The following FAM131A variants were observed in gnomAD, a reference collection of about 807,000 sequenced individuals.
FAM131A encodes the protein family with sequence similarity 131 member A, also known as protein FAM131A.
In FAM131A, 24 loss-of-function variants were observed where a neutral mutation model predicts 39.2. That is an observed-to-expected ratio of 0.61 (90% CI 0.44 to 0.86). The LOEUF (loss-of-function observed/expected upper bound fraction) is 0.86, where lower values mean the gene tolerates loss of function less well. Ranked by LOEUF, FAM131A falls within the 40% of genes least tolerant of loss-of-function variation. The pLI is 0.00. For synonymous variants in FAM131A, 202 were observed against 206.8 expected (o/e 0.98, Z 0.20); for missense variants, 373 against 481.2 (o/e 0.78, Z 2.10).
Position 184,344,522 on chromosome 3 carries a change from C to T in FAM131A, c.653C>T (p.Pro218Leu), listed in dbSNP as rs376398594. The T allele has an allele frequency of 1.6e-5, 25 of 1,539,008 alleles. No individual in the cohort carries two copies. The Admixed American group carries it at 2.7e-4, about 16-fold the overall frequency. Residue 218 changes from proline to leucine, a missense_variant, in exon 6 of 6, where the codon CCG (proline) becomes CTG (leucine). Pro to Leu is a moderately conservative substitution (Grantham distance 98). Transcript: ENST00000383847. ...ATGGCTGGGCAGCTGCCCCTGGGGC[C>T]GCACCTCCAGGACCTGTTCACCGGC... ...TDMAGQLPLG[P>L]HLQDLFTGHR...
At position 184,344,182 on chromosome 3, in the gene FAM131A, T is replaced by C. The variant is rs1727503433; in HGVS notation, c.626-313T>C. The stretch of plus-strand genomic sequence containing the variant: ...GTGTTTTTAGTAGAGACAGGGTTTC[T>C]CCATGTTGGTCAGGCTGGTCTCGAA... On this transcript the variant is annotated intron_variant, in intron 5 of 5. Transcript: ENST00000383847. Among the ~76,000 whole-genome samples, 4 of 152,114 alleles carry C rather than the reference T, an allele frequency of 2.6e-5. No homozygotes were observed. In the South Asian group the frequency reaches 6.2e-4, roughly 24 times the overall value.
intron 3 of FAM131A, 28 bp downstream of exon 3, chr3:184,341,845 C>T (rs1032534707): frequency 3.1e-6 from 5 of 1,611,300 alleles, no homozygotes; most frequent in Non-Finnish European, 4.2e-6. Context: ...TGTTTCTGGC[C>T]ACTTTGTCCT....
At position 184,342,604 on chromosome 3, in the gene FAM131A, C is replaced by T; in HGVS notation, c.509-140C>T. The T allele has an allele frequency of 2.7e-6, 2 of 751,278 alleles. No individual in the cohort carries two copies. Among genetic ancestry groups the T allele is most frequent in the Non-Finnish European group, 2.1e-6 (1 of 465,952 alleles). The allele number at this position is 751,278 out of a possible 1,614,324, so 46.5% of individuals were successfully genotyped here. A position where few individuals can be genotyped will look rare whatever the true frequency, so the allele number is the denominator to read the frequency against. ...TACAGGCATAAGCCACCACACCCGG[C>T]CAGGGCTGCTTTCTTATCTCCTCGG... On this transcript the variant is annotated intron_variant, in intron 4 of 5. Transcript: ENST00000383847. The surrounding 1 kb of genome is among the most constrained non-coding windows in gnomAD (Gnocchi z 4.6).
In FAM131A at chr3:184,345,605, T is replaced by G. The variant is rs1176925565; in HGVS notation, c.*635T>G. 11 of 702,806 alleles carry G rather than the reference T, an allele frequency of 1.6e-5. No individual in the cohort carries two copies. In the Admixed American group the frequency reaches 2.2e-4, roughly 14 times the overall value. 43.5% of individuals were successfully genotyped at this position (702,806 alleles called of 1,614,324 possible). A position where few individuals can be genotyped will look rare whatever the true frequency, so the allele number is the denominator to read the frequency against. ...TTGGTCTGTTTTTTCAGTCGGATCT[T>G]CTCTTCTCTGGGAGGCTTTGGAATG... On this transcript the variant is annotated 3_prime_UTR_variant, in exon 6 of 6. Transcript: ENST00000383847.
chr3:184,342,661 CCT>C lies in FAM131A; in HGVS notation c.509-82_509-81del, dbSNP rs1296006048. 30 of 1,252,480 alleles carry C rather than the reference CCT, an allele frequency of 2.4e-5. No homozygotes were observed. The highest frequency in any genetic ancestry group is 3.3e-5 in the Non-Finnish European group (29 of 876,710). 77.6% of individuals were successfully genotyped at this position (1,252,480 alleles called of 1,614,324 possible). ...CATGGGGGTTGGAGTCTTCCCATAC[CCT>C]GTTTCTCCTCTCTCCTGTCTTCAAG... On this transcript the variant is annotated intron_variant, in intron 4 of 5. Coordinates refer to ENST00000383847, the MANE Select transcript of FAM131A (RefSeq NM_144635.5). This position sits in a 1 kb window ranked among gnomAD's most constrained non-coding sequence, Gnocchi z 4.6.
intron 2 of FAM131A, chr3:184,341,194 G>A (rs1727360449): frequency 1.2e-5 from 2 of 168,166 alleles, no homozygotes; most frequent in South Asian, 3.0e-4. Context: ...TAATGCTGAG[G>A]TTTGGAGCCA....
Position 184,342,056 on chromosome 3 carries a change from C to G in FAM131A, c.326-10C>G. The G allele has an allele frequency of 6.2e-7, 1 of 1,614,236 alleles. No individual in the cohort carries two copies. The highest frequency in any genetic ancestry group is 8.5e-7 in the Non-Finnish European group (1 of 1,180,040). On this transcript the variant is annotated splice_polypyrimidine_tract_variant and intron_variant, in intron 3 of 5. Transcript: ENST00000383847. The surrounding 1 kb of genome is among the most constrained non-coding windows in gnomAD (Gnocchi z 4.6). ...CTTTACCAGGCTTCTCCACCCTCCC[C>G]TATCTCCAGGTATTTCCCAGGTGGT...
rs1016182850 is a variant in FAM131A, at chr3:184,344,882, G to C, written c.1013G>C (p.Ser338Thr). The C allele has an allele frequency of 1.2e-6, 2 of 1,610,242 alleles. No individual in the cohort carries two copies. Among genetic ancestry groups the C allele is most frequent in the South Asian group, 1.1e-5 (1 of 91,064 alleles). ...CQPLCPPLTG[S>T]WERQRQASDL... Reference sequence around the variant, plus strand: ...CCACTCTGCCCACCACTAACGGGCAGCTGGGAACGGCAGCGGCAAGCCTCT... The same window carrying C: ...CCACTCTGCCCACCACTAACGGGCACCTGGGAACGGCAGCGGCAAGCCTCT... The change falls in exon 6 of 6, where the codon AGC (serine) becomes ACC (threonine). Residue 338 changes from serine (S) to threonine (T), a missense_variant. This residue lies in a region of FAM131A where 152 missense variants were observed against 133.5 expected (regional missense o/e 1.14). Coordinates refer to ENST00000383847, the MANE Select transcript of FAM131A (RefSeq NM_144635.5).
chr3:184,342,891 G>C lies in FAM131A; in HGVS notation c.625+31G>C, dbSNP rs749626106. The C allele has an allele frequency of 2.6e-6, 4 of 1,562,406 alleles. No individual in the cohort carries two copies. The East Asian group carries it at 9.0e-5, about 35-fold the overall frequency. ...GGACATCCTGGGCTAGGGCTGTGGT[G>C]GACCCACCTGATAGACCTTGGCATT... On this transcript the variant is annotated intron_variant, in intron 5 of 5. Coordinates refer to ENST00000383847, the MANE Select transcript of FAM131A (RefSeq NM_144635.5). This position sits in a 1 kb window ranked among gnomAD's most constrained non-coding sequence, Gnocchi z 4.6.
chr3:184,345,694 C>A lies in FAM131A; in HGVS notation c.*724C>A. On this transcript the variant is annotated 3_prime_UTR_variant, in exon 6 of 6. Coordinates refer to ENST00000383847, the MANE Select transcript of FAM131A (RefSeq NM_144635.5). ...AATGGGGCCTGGGCCCTTTCCCAAC[C>A]CCTCCTAGGATGTGCGGGCAGTGTG... The A allele has an allele frequency of 1.6e-6, 1 of 642,338 alleles. No individual in the cohort carries two copies. 39.8% of individuals were successfully genotyped at this position (642,338 alleles called of 1,614,324 possible). A position where few individuals can be genotyped will look rare whatever the true frequency, so the allele number is the denominator to read the frequency against.
rs1727581533 is a variant in FAM131A at position 184,345,145 on chromosome 3, G to A, written c.*175G>A. 1.4e-6 allele frequency: 1 copy of A among 707,826 alleles called. No individual in the cohort carries two copies. Among genetic ancestry groups the A allele is most frequent in the South Asian group, 2.0e-5 (1 of 49,240 alleles). The allele number at this position is 707,826 out of a possible 1,614,324, so 43.8% of individuals were successfully genotyped here. On this transcript the variant is annotated 3_prime_UTR_variant, in exon 6 of 6. Coordinates refer to ENST00000383847, the MANE Select transcript of FAM131A (RefSeq NM_144635.5). ...GAAAGTGTTTGGAGAGGAGGCAGGGGCTGGGCTGGGGGCGCATGTCCTGCC... is the reference window on the plus strand; with the variant it reads ...GAAAGTGTTTGGAGAGGAGGCAGGGACTGGGCTGGGGGCGCATGTCCTGCC...
chr3:184,337,540 G>A, upstream of FAM131A: 1 of 1,190,562 alleles, frequency 8.4e-7, no homozygotes, highest in Non-Finnish European at 1.2e-6. Flanking sequence ...GAGGGGACTG[G>A]CTCAGCATCC....
chr3:184,342,476 T>C lies in FAM131A; in HGVS notation c.508+228T>C, dbSNP rs1727429479. 6.6e-6 allele frequency among the ~76,000 whole-genome samples: 1 copy of C among 152,056 alleles called. No individual in the cohort carries two copies. Among genetic ancestry groups the C allele is most frequent in the African/African-American group, 2.4e-5 (1 of 41,394 alleles). Reference sequence around the variant, plus strand: ...TTGCCTGCCACCGTGCCTGGCTAATTTTTGTAGTTTTAGTAGAGATGGGGT... The same window carrying C: ...TTGCCTGCCACCGTGCCTGGCTAATCTTTGTAGTTTTAGTAGAGATGGGGT... On this transcript the variant is annotated intron_variant, in intron 4 of 5. Transcript: ENST00000383847. The surrounding 1 kb of genome is among the most constrained non-coding windows in gnomAD (Gnocchi z 4.6).
At chr3:184,338,272 C>T in intron 1 of FAM131A, 115 bp from the exon 2 acceptor site, 1 of 1,149,112 alleles carries the variant, frequency 8.7e-7, no homozygotes, top group Non-Finnish European at 1.2e-6. Context: ...TCAGTGGGCG[C>T]TGGTCTTCTG....
chr3:184,338,550 G>C, intron 2 of FAM131A, 21 bp downstream of exon 2: 1 of 1,535,328 alleles, frequency 6.5e-7, no homozygotes, highest in Non-Finnish European at 8.7e-7. Flanking sequence ...CCTGGTGGTG[G>C]GGGGAAGGAG....
At position 184,342,287 on chromosome 3, in the gene FAM131A, A is replaced by T. The variant is rs768948455; in HGVS notation, c.508+39A>T. On this transcript the variant is annotated intron_variant, in intron 4 of 5. Coordinates refer to ENST00000383847, the MANE Select transcript of FAM131A (RefSeq NM_144635.5). This position sits in a 1 kb window ranked among gnomAD's most constrained non-coding sequence, Gnocchi z 4.6. ...AGGGGATAAGCTACACTCTTGGCAC[A>T]GGGCTGCTTTCTTTCTTTATTTTAT... is the stretch of plus-strand genomic sequence containing the variant. The T allele has an allele frequency of 6.9e-5, 106 of 1,529,792 alleles. No homozygotes were observed. The highest frequency in any genetic ancestry group is 8.8e-5 in the Non-Finnish European group (101 of 1,144,572). 94.8% of individuals were successfully genotyped at this position (1,529,792 alleles called of 1,614,324 possible). A position where few individuals can be genotyped will look rare whatever the true frequency, so the allele number is the denominator to read the frequency against.
At position 184,345,853 on chromosome 3, in the gene FAM131A, G is replaced by C. The variant is rs1276592361; in HGVS notation, c.*883G>C. ...TAGAGAGGGCCACAAGAGGGCCACAGGGGTGGCCGGGAGTTGTCAGCTGAT... is the reference window on the plus strand; with the variant it reads ...TAGAGAGGGCCACAAGAGGGCCACACGGGTGGCCGGGAGTTGTCAGCTGAT... On this transcript the variant is annotated 3_prime_UTR_variant, in exon 6 of 6. Coordinates refer to ENST00000383847, the MANE Select transcript of FAM131A (RefSeq NM_144635.5). 2.0e-6 allele frequency: 1 copy of C among 493,976 alleles called. No homozygotes were observed. The highest frequency in any genetic ancestry group is 3.6e-6 in the Non-Finnish European group (1 of 281,458). 30.6% of individuals were successfully genotyped at this position (493,976 alleles called of 1,614,324 possible).
rs905620660 is a variant in FAM131A at position 184,345,861 on chromosome 3, C to T, written c.*891C>T. On this transcript the variant is annotated 3_prime_UTR_variant, in exon 6 of 6. Coordinates refer to ENST00000383847, the MANE Select transcript of FAM131A (RefSeq NM_144635.5). Reference sequence around the variant, plus strand: ...GCCACAAGAGGGCCACAGGGGTGGCCGGGAGTTGTCAGCTGATGCCTGCTG... The same window carrying T: ...GCCACAAGAGGGCCACAGGGGTGGCTGGGAGTTGTCAGCTGATGCCTGCTG... 19 of 474,690 alleles carry T rather than the reference C, an allele frequency of 4.0e-5. No homozygotes were observed. Among genetic ancestry groups the T allele is most frequent in the Admixed American group, 1.6e-4 (4 of 25,634 alleles). The allele number at this position is 474,690 out of a possible 1,614,324, so 29.4% of individuals were successfully genotyped here. A position where few individuals can be genotyped will look rare whatever the true frequency, so the allele number is the denominator to read the frequency against.
At position 184,342,127 on chromosome 3, in the gene FAM131A, G is replaced by C; in HGVS notation, c.387G>C (p.Val129=). 6.2e-7 allele frequency: 1 copy of C among 1,614,206 alleles called. No individual in the cohort carries two copies. The highest frequency in any genetic ancestry group is 1.1e-5 in the South Asian group (1 of 91,084). Residue 129 remains valine (V), a synonymous_variant, in exon 4 of 6, where the codon GTG becomes GTC. Coordinates refer to ENST00000383847, the MANE Select transcript of FAM131A (RefSeq NM_144635.5). This position sits in a 1 kb window ranked among gnomAD's most constrained non-coding sequence, Gnocchi z 4.6. The part of the protein sequence containing the change: ...TKPTAMAQGR[V]AHLIEWKGWS... ...CTACCGCCATGGCCCAGGGCCGAGT[G>C]GCTCACCTCATTGAGTGGAAGGGCT...
Sources: gnomAD v4.1 joint callset for allele counts (sites outside exome capture counted in the v4.1 genomes callset) on GRCh38, gnomAD v4.1.1 for gene constraint, gnomAD v4.1.1 regional missense constraint, Gnocchi (gnomAD v3.1) non-coding constraint, MANE v1.5 for transcripts, NCBI Gene and HGNC (gene_info 2026-07-23, HGNC 2026-07-21) for gene names.